TLK2: variants seen among roughly 807,000 people sequenced by gnomAD.
TLK2 encodes the protein serine/threonine-protein kinase tousled-like 2.
Under a neutral mutation model 117.3 loss-of-function variants are expected in TLK2, and 6 were observed. The ratio of observed to expected loss-of-function variants is 0.05; its 90% CI spans 0.03 to 0.10. TLK2 has a LOEUF of 0.10. Ranked by LOEUF, TLK2 falls within the 10% of genes least tolerant of loss-of-function variation. The pLI, the probability that TLK2 is intolerant of heterozygous loss-of-function variation, is 1.00. For missense variants in TLK2, 299 were observed against 901.2 expected, an observed-to-expected ratio of 0.33 and a Z score of 8.56; for synonymous variants, 257 against 316.7, an observed-to-expected ratio of 0.81 and a Z score of 2.00.
chr17:62,593,221 C>T lies in TLK2; in HGVS notation c.1461-3364C>T, dbSNP rs147159618. Among the ~76,000 whole-genome samples the T allele has an allele frequency of 1.1e-3, 169 of 152,168 alleles. 1 individual carries two copies. The highest frequency in any genetic ancestry group is 3.7e-3 in the African/African-American group (155 of 41,532). ...ATATACAGTATAAAAATGGTACACC[C>T]GTACCATTAATAGAATTTGCAAAAC... On this transcript the variant is annotated intron_variant, in intron 16 of 21. Coordinates refer to ENST00000346027, the MANE Select transcript of TLK2 (RefSeq NM_006852.6).
intron 19 of TLK2, among the ~76,000 whole-genome samples, chr17:62,604,239 T>C (rs965456340): frequency 2.0e-5 from 3 of 151,962 alleles, no homozygotes; most frequent in Admixed American, 6.6e-5. Flanking sequence ...ACTCCTGATA[T>C]CAGGTGATCC....
At chr17:62,477,387 T>C (rs1329981165), upstream of TLK2, 2 of 152,220 alleles carry the variant, frequency 1.3e-5, no homozygotes, top group Non-Finnish European at 2.9e-5. Context: ...TGGAGTAAGA[T>C]GACTCTTGGT....
chr17:62,611,358 T>A (rs1165146334), intron 21 of TLK2, among the ~76,000 whole-genome samples: 1 of 152,238 alleles, frequency 6.6e-6, no homozygotes, highest in Non-Finnish European at 1.5e-5. Flanking sequence ...ATTAATTTGT[T>A]TATCAAACAT....
At chr17:62,535,086 C>G (rs1427872898) in intron 6 of TLK2, among the ~76,000 whole-genome samples, 1 of 151,934 alleles carries the variant, frequency 6.6e-6, no homozygotes, top group East Asian at 1.9e-4. Flanking sequence ...ATGGGTTTCA[C>G]CACGTTGGCC....
At chr17:62,554,182 A>C (rs185152353) in intron 9 of TLK2, among the ~76,000 whole-genome samples, 1 of 152,234 alleles carries the variant, frequency 6.6e-6, no homozygotes. Context: ...CTTACAAAAG[A>C]AACCTTTAAA....
chr17:62,585,641 CAA>C (rs1272424246), intron 15 of TLK2: 1 of 152,396 alleles, frequency 6.6e-6, no homozygotes, highest in Non-Finnish European at 1.5e-5. Context: ...TTTTAATAAA[CAA>C]TATGCCAAAT....
intron 9 of TLK2, among the ~76,000 whole-genome samples, chr17:62,555,215 A>G (rs1268930299): frequency 2.0e-5 from 3 of 152,164 alleles, no homozygotes; most frequent in African/African-American, 7.2e-5. Flanking sequence ...GGGGATCGGC[A>G]GCCTTGCCTT....
At chr17:62,605,347 C>T (rs140066539) in intron 19 of TLK2, among the ~76,000 whole-genome samples, 357 of 152,166 alleles carry the variant, frequency 2.3e-3, no homozygotes, top group African/African-American at 7.8e-3. Flanking sequence ...TTTTGATGCC[C>T]TATAGGGACA....
intron 2 of TLK2, among the ~76,000 whole-genome samples, chr17:62,518,700 C>T (rs746820149): frequency 8.6e-5 from 13 of 150,434 alleles, no homozygotes; most frequent in Non-Finnish European, 1.0e-4. Flanking sequence ...AGCGAGACTC[C>T]GTCTCCAAAA....
At chr17:62,521,138 C>G (rs538768461) in intron 3 of TLK2, among the ~76,000 whole-genome samples, 2 of 152,238 alleles carry the variant, frequency 1.3e-5, no homozygotes, top group African/African-American at 2.4e-5. Context: ...CCATCCTGGG[C>G]GACAGAGTGA....
At chr17:62,541,696 C>T (rs1487609633) in intron 7 of TLK2, among the ~76,000 whole-genome samples, 1 of 152,028 alleles carries the variant, frequency 6.6e-6, no homozygotes, top group African/African-American at 2.4e-5. Context: ...AGCATTATAG[C>T]ATACTATAGC....
At chr17:62,522,162 A>T (rs1391687800) in intron 3 of TLK2, 42 bp from the exon 4 acceptor site, 1 of 1,601,586 alleles carries the variant, frequency 6.2e-7, no homozygotes, top group East Asian at 2.2e-5. Context: ...AACGTGAAAA[A>T]TTTACCAAAA....
At position 62,481,964 on chromosome 17, in the gene TLK2, A is replaced by G. The variant is rs555335761; in HGVS notation, c.81+758A>G. On this transcript the variant is annotated intron_variant, in intron 2 of 21. Transcript: ENST00000346027. The stretch of plus-strand genomic sequence containing the variant: ...ATGAGCTACTGAATTTTTTTTTTTG[A>G]GACAGAGTTTTCCTCTTGTCGCCGA... 1.0e-3 allele frequency among the ~76,000 whole-genome samples: 157 copies of G among 151,758 alleles called. 1 individual carries two copies. Among genetic ancestry groups the G allele is most frequent in the African/African-American group, 3.6e-3 (147 of 41,386 alleles).
rs1378702970 is a variant in TLK2 at position 62,614,405 on chromosome 17, G to A, written c.*1840G>A. The A allele has an allele frequency of 1.3e-5, 2 of 152,180 alleles. No homozygotes were observed. Among genetic ancestry groups the A allele is most frequent in the Non-Finnish European group, 2.9e-5 (2 of 68,052 alleles). 9.4% of individuals were successfully genotyped at this position (152,180 alleles called of 1,614,324 possible). ...GAAATATTTAAAGATGTAGTATTCC[G>A]GCCTGTGAGTTGTCTGGGCAGGGAG... is the stretch of plus-strand genomic sequence containing the variant. On this transcript the variant is annotated 3_prime_UTR_variant, in exon 22 of 22. Coordinates refer to ENST00000346027, the MANE Select transcript of TLK2 (RefSeq NM_006852.6).
chr17:62,494,482 C>A (rs2073440741), intron 2 of TLK2, among the ~76,000 whole-genome samples: 1 of 152,176 alleles, frequency 6.6e-6, no homozygotes, highest in African/African-American at 2.4e-5. Flanking sequence ...ATCTCGAACT[C>A]CTGACCTCAA....
intron 15 of TLK2, among the ~76,000 whole-genome samples, chr17:62,583,097 G>A (rs1231340009): frequency 6.6e-6 from 1 of 151,806 alleles, no homozygotes; most frequent in African/African-American, 2.4e-5. Flanking sequence ...TGTTTTGTTT[G>A]TTTGTTTGTT....
chr17:62,512,278 A>G (rs1316701866), intron 2 of TLK2, among the ~76,000 whole-genome samples: 2 of 140,172 alleles, frequency 1.4e-5, no homozygotes, highest in African/African-American at 5.3e-5. Context: ...CTGGAGTACA[A>G]ATGGCATGGT....
chr17:62,517,503 T>A (rs1163689086), intron 2 of TLK2, among the ~76,000 whole-genome samples: 2 of 152,038 alleles, frequency 1.3e-5, no homozygotes, highest in Non-Finnish European at 2.9e-5. Context: ...CACGCCATTC[T>A]TCTGCCTCAG....
intron 2 of TLK2, among the ~76,000 whole-genome samples, chr17:62,506,666 C>A (rs1356274644): frequency 1.3e-5 from 2 of 152,094 alleles, no homozygotes; most frequent in African/African-American, 4.8e-5. Flanking sequence ...TTTTTGTTCT[C>A]ATTTTTCTAT....
Sources: allele counts gnomAD v4.1 joint callset (sites outside exome capture counted in the v4.1 genomes callset), GRCh38; gene constraint gnomAD v4.1.1; transcripts MANE v1.5; gene names NCBI Gene and HGNC (gene_info 2026-07-23, HGNC 2026-07-21).